Variants in SAMD12 observed in about 807,000 individuals in gnomAD.
The protein encoded by SAMD12 is sterile alpha motif domain-containing protein 12.
Under a neutral mutation model 15.0 loss-of-function variants are expected in SAMD12, and 9 were observed. The ratio of observed to expected loss-of-function variants is 0.60; its 90% confidence interval spans 0.36 to 1.05. The LOEUF is 1.05. Among genes scored for constraint, SAMD12 ranks in the 50% least tolerant of loss-of-function variants. SAMD12 has a pLI of 0.01. For missense variants in SAMD12, 230 were observed against 234.2 expected (o/e 0.98, Z 0.12); for synonymous variants, 86 against 90.1 (o/e 0.96, Z 0.25).
At chr8:118,188,868 T>C (rs2129717442), downstream of SAMD12, among the ~76,000 whole-genome samples, 1 of 152,286 alleles carries the variant, frequency 6.6e-6, no homozygotes, top group East Asian at 1.9e-4. Context: ...AGGCTGGCTA[T>C]GCCAAATCTG....
intron 4 of SAMD12, among the ~76,000 whole-genome samples, chr8:118,309,754 G>A (rs914228480): frequency 1.1e-4 from 16 of 151,930 alleles, no homozygotes; most frequent in Non-Finnish European, 2.1e-4. Context: ...TTCCATGAAG[G>A]CCTCCCTTAC....
chr8:118,179,645 G>T, the SAMD12 span, among the ~76,000 whole-genome samples: 1 of 152,064 alleles, frequency 6.6e-6, no homozygotes, highest in East Asian at 1.9e-4. Flanking sequence ...CCTTTTAAAG[G>T]TGAAGTCATT....
intron 4 of SAMD12, among the ~76,000 whole-genome samples, chr8:118,337,998 G>A (rs1473899533): frequency 6.6e-6 from 1 of 152,170 alleles, no homozygotes; most frequent in African/African-American, 2.4e-5. Flanking sequence ...CTTCCACCAG[G>A]GGTCTTGGAA....
intron 2 of SAMD12, among the ~76,000 whole-genome samples, chr8:118,468,558 G>A (rs1379440145): frequency 6.6e-6 from 1 of 152,018 alleles, no homozygotes; most frequent in Non-Finnish European, 1.5e-5. Context: ...AGTGAGCTGG[G>A]AGTTGATCTT....
At chr8:118,330,766 C>T (rs1370105014) in intron 4 of SAMD12, among the ~76,000 whole-genome samples, 3 of 151,986 alleles carry the variant, frequency 2.0e-5, no homozygotes, top group African/African-American at 7.3e-5. Context: ...CTTAATGAAA[C>T]AGATTAAACT....
In SAMD12 at chr8:118,400,398, T is replaced by G. The variant is rs562125907; in HGVS notation, c.323-20698A>C. The G allele has an allele frequency of 2.0e-5, 3 of 152,326 alleles. No homozygotes were observed. In the East Asian group the frequency reaches 5.8e-4, roughly 29 times the overall value. 9.4% of individuals were successfully genotyped at this position (152,326 alleles called of 1,614,324 possible). A position where few individuals can be genotyped will look rare whatever the true frequency, so the allele number is the denominator to read the frequency against. On this transcript the variant is annotated intron_variant, in intron 3 of 3. Transcript: ENST00000314727. ...AAACCTTATACTTCTAATCACTATA[T>G]GACACTGAACATGATTTTAAGAAAC...
intron 2 of SAMD12, among the ~76,000 whole-genome samples, chr8:118,504,315 C>T (rs938990199): frequency 1.3e-5 from 2 of 152,156 alleles, no homozygotes; most frequent in East Asian, 3.9e-4. Flanking sequence ...TGGATAGATT[C>T]TCTTTAATAA....
intron 3 of SAMD12, among the ~76,000 whole-genome samples, chr8:118,412,006 T>G (rs1821433310): frequency 1.3e-5 from 2 of 152,184 alleles, no homozygotes; most frequent in Admixed American, 1.3e-4. Flanking sequence ...AAGAATAAAT[T>G]TCAACAAAGA....
At chr8:118,312,882 T>A (rs934635053) in intron 4 of SAMD12, among the ~76,000 whole-genome samples, 11 of 152,136 alleles carry the variant, frequency 7.2e-5, no homozygotes, top group Admixed American at 3.3e-4. Context: ...ACACAGAGAC[T>A]GAGCAAGGGA....
chr8:118,232,497 G>C (rs1228296862), intron 4 of SAMD12, among the ~76,000 whole-genome samples: 2 of 152,170 alleles, frequency 1.3e-5, no homozygotes, highest in Non-Finnish European at 2.9e-5. Context: ...AAGGGAGATT[G>C]TTGGAGGGTA....
At chr8:118,553,656 G>T (rs1345576056) in intron 2 of SAMD12, among the ~76,000 whole-genome samples, 1 of 150,170 alleles carries the variant, frequency 6.7e-6, no homozygotes, top group Non-Finnish European at 1.5e-5. Context: ...CAAAAGCAAT[G>T]GCAACAAAAG....
At chr8:118,438,848 A>G (rs1822651400) in intron 3 of SAMD12, among the ~76,000 whole-genome samples, 1 of 152,194 alleles carries the variant, frequency 6.6e-6, no homozygotes, top group Non-Finnish European at 1.5e-5. Context: ...TCAGAAAAAA[A>G]AGATCTGGAC....
the SAMD12 span, among the ~76,000 whole-genome samples, chr8:118,142,794 T>C: frequency 6.6e-6 from 1 of 152,194 alleles, no homozygotes; most frequent in Non-Finnish European, 1.5e-5. Flanking sequence ...TAGATGAATA[T>C]CTACTAGTTT....
intron 1 of SAMD12, among the ~76,000 whole-genome samples, chr8:118,610,954 A>G (rs898897701): frequency 6.6e-6 from 1 of 152,204 alleles, no homozygotes; most frequent in Admixed American, 6.5e-5. Flanking sequence ...ATCAGGATGC[A>G]TGTTAGATTC....
At chr8:118,592,055 C>T (rs1053514530) in intron 1 of SAMD12, among the ~76,000 whole-genome samples, 6 of 152,198 alleles carry the variant, frequency 3.9e-5, no homozygotes, top group Non-Finnish European at 7.3e-5. Context: ...GGTGCAGTGG[C>T]TCATGCCTAT....
At chr8:118,560,493 GA>G (rs1211689609) in intron 2 of SAMD12, among the ~76,000 whole-genome samples, 1 of 152,084 alleles carries the variant, frequency 6.6e-6, no homozygotes, top group East Asian at 1.9e-4. Context: ...TGTAGTGGAG[GA>G]AAAAAGCTCT....
intron 3 of SAMD12, among the ~76,000 whole-genome samples, chr8:118,396,524 G>A (rs556622014): frequency 5.3e-5 from 8 of 152,228 alleles, no homozygotes; most frequent in African/African-American, 1.9e-4. Flanking sequence ...CTCAGCAATT[G>A]GTAGATATTC....
intron 3 of SAMD12, among the ~76,000 whole-genome samples, chr8:118,436,300 A>T (rs1822573940): frequency 6.6e-6 from 1 of 152,172 alleles, no homozygotes; most frequent in Admixed American, 6.5e-5. Context: ...ATCCCATTTA[A>T]TCTTCCCCCA....
chr8:118,595,893 T>G (rs78615846), intron 1 of SAMD12, among the ~76,000 whole-genome samples: 4,756 of 152,314 alleles, frequency 0.031, 259 homozygotes, highest in African/African-American at 0.11. Flanking sequence ...TTTACATTAG[T>G]GTTTGATAAA....
Sources: allele counts gnomAD v4.1 joint callset (sites outside exome capture counted in the v4.1 genomes callset), GRCh38; gene constraint gnomAD v4.1.1; transcripts MANE v1.5; gene names NCBI Gene and HGNC (gene_info 2026-07-23, HGNC 2026-07-21).